Variants in TATDN1 observed in about 807,000 individuals in gnomAD.
TATDN1 encodes the protein deoxyribonuclease TATDN1.
A neutral mutation model predicts 46.4 loss-of-function variants in TATDN1; 40 were observed. The observed-to-expected ratio is 0.86, with a 90% CI of 0.67 to 1.12. The LOEUF (loss-of-function observed/expected upper bound fraction) is 1.12. Ranked by LOEUF, TATDN1 falls within the 50% of genes most tolerant of loss-of-function variation. The probability of loss-of-function intolerance (pLI) is 0.00; values close to 1 mark genes in which losing one functional copy is unlikely to be tolerated. For missense variants in TATDN1, 326 were observed against 348.4 expected, an observed-to-expected ratio of 0.94 and a Z score of 0.51; for synonymous variants, 95 against 105.6, an observed-to-expected ratio of 0.90 and a Z score of 0.62.
chr8:124,511,370 A>G (rs1818992204), intron 6 of TATDN1, among the ~76,000 whole-genome samples: 1 of 152,200 alleles, frequency 6.6e-6, no homozygotes, highest in South Asian at 2.1e-4. Flanking sequence ...TGATGGCAAC[A>G]TGGCCTCAAT....
intron 5 of TATDN1, 26 bp downstream of exon 5, chr8:124,515,861 C>T (rs72713086): frequency 0.025 from 39,857 of 1,613,782 alleles, 548 homozygotes; most frequent in Non-Finnish European, 0.029. Flanking sequence ...AACAATGTCA[C>T]TCTAAGAGGC....
chr8:124,523,039 C>T, intron 1 of TATDN1, 37 bp from the exon 2 acceptor site: 2 of 1,563,912 alleles, frequency 1.3e-6, no homozygotes, highest in Non-Finnish European at 1.8e-6. Flanking sequence ...ATTATTGAGT[C>T]TCTACATGAA....
chr8:124,522,439 G>A (rs760162453), intron 2 of TATDN1, among the ~76,000 whole-genome samples: 6 of 151,552 alleles, frequency 4.0e-5, no homozygotes, highest in Admixed American at 6.6e-5. Flanking sequence ...TTTTTGAGAC[G>A]GAGTTTCGTT....
intron 1 of TATDN1, among the ~76,000 whole-genome samples, chr8:124,538,179 C>G (rs140980904): frequency 1.3e-5 from 2 of 152,216 alleles, no homozygotes; most frequent in African/African-American, 4.8e-5. Flanking sequence ...TTTGTTCACT[C>G]TCTACTACCG....
intron 6 of TATDN1, among the ~76,000 whole-genome samples, chr8:124,509,718 A>G (rs72713078): frequency 0.089 from 13,497 of 152,226 alleles, 908 homozygotes; most frequent in South Asian, 0.29. Context: ...AAATTTTAAA[A>G]TTAGAAATAG....
At chr8:124,494,292 T>C (rs1241442858) in intron 10 of TATDN1, 1 of 164,224 alleles carries the variant, frequency 6.1e-6, no homozygotes, top group Admixed American at 6.3e-5. Context: ...TCAAAATCTT[T>C]TTCGCTATGC....
Position 124,508,505 on chromosome 8 carries a change from T to G in TATDN1, c.485A>C (p.Lys162Thr), listed in dbSNP as rs1454791352. 6.2e-7 allele frequency: 1 copy of G among 1,613,212 alleles called. No homozygotes were observed. Among genetic ancestry groups the G allele is most frequent in the East Asian group, 2.2e-5 (1 of 44,784 alleles). ...CCCTACACACCGATCTCTATTTCTT[T>G]TCATTATGTCTGTGAATTAAAAACA... ...NSHAEFLDIM[K>T]RNRDRCVGGV... The change falls in exon 8 of 12, where the codon AAA becomes ACA. Residue 162 changes from lysine (K) to threonine (T), a missense_variant. Lys to Thr is a moderately conservative substitution (Grantham distance 78, BLOSUM62 -1). Coordinates refer to ENST00000276692, the MANE Select transcript of TATDN1 (RefSeq NM_032026.4).
intron 8 of TATDN1, among the ~76,000 whole-genome samples, chr8:124,506,383 A>G (rs1818437190): frequency 6.6e-6 from 1 of 151,922 alleles, no homozygotes. Flanking sequence ...AAAGAAATAA[A>G]GCAAATGGGC....
At chr8:124,517,450 T>C (rs1405545378) in intron 4 of TATDN1, among the ~76,000 whole-genome samples, 1 of 146,278 alleles carries the variant, frequency 6.8e-6, no homozygotes, top group Non-Finnish European at 1.5e-5. Flanking sequence ...AAAGAAAAAG[T>C]GTGAATGGAT....
chr8:124,496,889 T>A (rs1817510615), intron 9 of TATDN1, among the ~76,000 whole-genome samples: 1 of 152,198 alleles, frequency 6.6e-6, no homozygotes, highest in Non-Finnish European at 1.5e-5. Flanking sequence ...CCCCTATTCC[T>A]CTCCTGTATT....
chr8:124,511,231 G>C (rs1818977974), intron 6 of TATDN1, among the ~76,000 whole-genome samples: 1 of 152,064 alleles, frequency 6.6e-6, no homozygotes, highest in African/African-American at 2.4e-5. Context: ...ACTATCTAAC[G>C]ACAAGAGCTG....
At chr8:124,523,111 A>T (rs1451949125) in intron 1 of TATDN1, 109 bp from the exon 2 acceptor site, 1 of 858,546 alleles carries the variant, frequency 1.2e-6, no homozygotes, top group Non-Finnish European at 1.9e-6. Context: ...CATCTACTCA[A>T]ACAATATCCA....
intron 1 of TATDN1, among the ~76,000 whole-genome samples, chr8:124,537,094 TCTTG>T: frequency 6.6e-6 from 1 of 152,326 alleles, no homozygotes; most frequent in South Asian, 2.1e-4. Context: ...AGAAGTCTTT[TCTTG>T]CTTATTTTAT....
intron 1 of TATDN1, among the ~76,000 whole-genome samples, chr8:124,533,721 G>A (rs1157088400): frequency 6.6e-6 from 1 of 152,074 alleles, no homozygotes; most frequent in Non-Finnish European, 1.5e-5. Flanking sequence ...GGGAATCTTA[G>A]TTTTTCATGT....
intron 10 of TATDN1, 176 bp from the exon 11 acceptor site, chr8:124,494,135 C>A: frequency 1.9e-6 from 1 of 519,540 alleles, no homozygotes. Context: ...TGAATTGCAT[C>A]TTAAATACCT....
intron 1 of TATDN1, among the ~76,000 whole-genome samples, chr8:124,526,324 A>T (rs1014315889): frequency 6.6e-6 from 1 of 152,214 alleles, no homozygotes; most frequent in Non-Finnish European, 1.5e-5. Flanking sequence ...CTTTTTGGTT[A>T]TTTGAGGTTG....
intron 1 of TATDN1, among the ~76,000 whole-genome samples, chr8:124,531,067 A>G (rs1461838296): frequency 6.6e-6 from 1 of 152,018 alleles, no homozygotes; most frequent in Middle Eastern, 3.2e-3. Flanking sequence ...CTCTTCCACT[A>G]CTTGTCATCA....
intron 11 of TATDN1, chr8:124,491,398 C>G (rs1816982101): frequency 6.6e-6 from 1 of 152,368 alleles, no homozygotes. Flanking sequence ...TTGTCTTTCT[C>G]TGGCCTAACT....
chr8:124,516,476 A>AT (rs536653635), intron 4 of TATDN1, among the ~76,000 whole-genome samples: 13,286 of 144,412 alleles, frequency 0.092, 642 homozygotes, highest in East Asian at 0.16. Flanking sequence ...CTAATTTTTA[A>AT]TTTTTTTTTT....
Sources: gnomAD v4.1 joint callset for allele counts (sites outside exome capture counted in the v4.1 genomes callset) on GRCh38, gnomAD v4.1.1 for gene constraint, MANE v1.5 for transcripts, NCBI Gene and HGNC (gene_info 2026-07-23, HGNC 2026-07-21) for gene names.